Variants in RYR3 observed in about 807,000 individuals in gnomAD.
The protein encoded by RYR3 is brain ryanodine receptor-calcium release channel.
RYR3 carries 207 observed loss-of-function variants against 584.3 expected under a neutral mutation model. The ratio of observed to expected loss-of-function variants is 0.35; its 90% CI spans 0.32 to 0.40. The LOEUF is 0.40. Among genes scored for constraint, RYR3 ranks in the 10% least tolerant of loss-of-function variants. The pLI is 1.00. For synonymous variants in RYR3, 2,416 were observed against 2,248.5 expected, an observed-to-expected ratio of 1.07 and a Z score of -2.11; for missense variants, 5,616 against 6,089.2, an observed-to-expected ratio of 0.92 and a Z score of 2.59.
At chr15:33,752,279 A>G (rs2071390620) in intron 57 of RYR3, among the ~76,000 whole-genome samples, 1 of 152,228 alleles carries the variant, frequency 6.6e-6, no homozygotes, top group Non-Finnish European at 1.5e-5. Context: ...AGACAATGGT[A>G]GCTTGATGGG....
At chr15:33,735,588 G>A (rs2069383146) in intron 48 of RYR3, among the ~76,000 whole-genome samples, 1 of 152,036 alleles carries the variant, frequency 6.6e-6, no homozygotes, top group African/African-American at 2.4e-5. Flanking sequence ...TTAAAGTTTG[G>A]CAATGTAAAA....
At chr15:33,791,386 C>T (rs935633409) in intron 67 of RYR3, among the ~76,000 whole-genome samples, 7 of 150,930 alleles carry the variant, frequency 4.6e-5, no homozygotes, top group Non-Finnish European at 1.0e-4. Context: ...ACACACACCC[C>T]TACATTCGGA....
At chr15:33,609,233 A>G (rs748159894) in intron 18 of RYR3, among the ~76,000 whole-genome samples, 33 of 152,374 alleles carry the variant, frequency 2.2e-4, no homozygotes, top group African/African-American at 4.6e-4. Flanking sequence ...TAGCATTTCA[A>G]TTATTTCCTG....
rs372322306 is a variant in RYR3, at chr15:33,750,082, A to G, written c.8275+28A>G. 45 of 1,609,166 alleles carry G rather than the reference A, an allele frequency of 2.8e-5. No individual in the cohort carries two copies. The African/African-American group carries it at 5.5e-4, about 20-fold the overall frequency. On this transcript the variant is annotated intron_variant, in intron 56 of 103. Transcript: ENST00000634891. ...GAGTGAGGTTCACAGCATCCCCTAA[A>G]GAAGCTGAACCGGGGCAGCTATGGT...
intron 48 of RYR3, among the ~76,000 whole-genome samples, chr15:33,733,105 G>A (rs4779640): frequency 0.33 from 50,580 of 152,164 alleles, 9,656 homozygotes; most frequent in Admixed American, 0.46. Flanking sequence ...CCAAATGCTG[G>A]CAAGGATGTG....
At chr15:33,580,589 T>C (rs984835065) in intron 13 of RYR3, among the ~76,000 whole-genome samples, 3 of 152,312 alleles carry the variant, frequency 2.0e-5, no homozygotes, top group South Asian at 2.1e-4. Flanking sequence ...TCTGAGTCAC[T>C]GGGAGTGGGG....
intron 48 of RYR3, 30 bp downstream of exon 48, chr15:33,731,724 G>A: frequency 7.0e-7 from 1 of 1,428,138 alleles, no homozygotes; most frequent in Non-Finnish European, 9.8e-7. Context: ...TGTTACTTCT[G>A]TGTATGCATC....
At chr15:33,835,608 T>C (rs1220838528) in intron 87 of RYR3, among the ~76,000 whole-genome samples, 1 of 152,206 alleles carries the variant, frequency 6.6e-6, no homozygotes, top group Non-Finnish European at 1.5e-5. Context: ...CCTCTCTCCA[T>C]GGCAACACAT....
At chr15:33,805,442 A>T (rs1327383194) in intron 69 of RYR3, among the ~76,000 whole-genome samples, 3 of 145,846 alleles carry the variant, frequency 2.1e-5, no homozygotes, top group Admixed American at 2.0e-4. Context: ...TCCCTCTTTC[A>T]TTCCCTCCCC....
chr15:33,564,306 A>G (rs2057578461), intron 11 of RYR3, among the ~76,000 whole-genome samples: 1 of 152,206 alleles, frequency 6.6e-6, no homozygotes, highest in Non-Finnish European at 1.5e-5. Context: ...AAGCCAAAAT[A>G]GTAAAGCGAA....
rs1566904570 is a variant in RYR3, at chr15:33,662,897, T to C, written c.5367T>C (p.Ala1789=). The change falls in exon 35 of 104, where the codon GCT becomes GCC. Residue 1789 remains alanine (A), a synonymous_variant. Coordinates refer to ENST00000634891, the MANE Select transcript of RYR3 (RefSeq NM_001036.6). ...VEAGEKAGKE[A]PVKGLLQTRL... Reference sequence around the variant, plus strand: ...CTGGGGAGAAGGCCGGCAAGGAGGCTCCTGTCAAAGGCTTGTTGCAGACTC... The same window carrying C: ...CTGGGGAGAAGGCCGGCAAGGAGGCCCCTGTCAAAGGCTTGTTGCAGACTC... 4 of 1,613,356 alleles carry C rather than the reference T, an allele frequency of 2.5e-6. No individual in the cohort carries two copies. The highest frequency in any genetic ancestry group is 2.7e-5 in the African/African-American group (2 of 75,002).
intron 74 of RYR3, among the ~76,000 whole-genome samples, chr15:33,814,043 A>G (rs763077357): frequency 1.5e-4 from 23 of 152,280 alleles, no homozygotes; most frequent in Non-Finnish European, 2.6e-4. Context: ...AGCACAGTGT[A>G]CTAGCTGTCA....
At chr15:33,834,349 A>G (rs2077895669) in intron 86 of RYR3, among the ~76,000 whole-genome samples, 1 of 151,684 alleles carries the variant, frequency 6.6e-6, no homozygotes, top group South Asian at 2.1e-4. Context: ...GAAAATGCAA[A>G]CTAAGTTATT....
intron 60 of RYR3, among the ~76,000 whole-genome samples, chr15:33,758,596 T>C (rs1236230228): frequency 6.6e-6 from 1 of 152,180 alleles, no homozygotes; most frequent in Non-Finnish European, 1.5e-5. Context: ...CCTTTCTACA[T>C]TCCTCCTCTC....
rs539538863 is a variant in RYR3, at chr15:33,390,663, C to G, written c.51+79567C>G. Among the ~76,000 whole-genome samples, 1 of 152,128 alleles carries G rather than the reference C, an allele frequency of 6.6e-6. No homozygotes were observed. The highest frequency in any genetic ancestry group is 2.4e-5 in the African/African-American group (1 of 41,428). ...GGGAACTTGGTACTTGTCCCATTCT[C>G]TAAGAAATCAGAGTGGTTCACTCTG... On this transcript the variant is annotated intron_variant, in intron 1 of 103. Transcript: ENST00000634891. This position sits in a 1 kb window ranked among gnomAD's most constrained non-coding sequence, Gnocchi z 4.2.
chr15:33,524,100 T>C (rs1175815522), intron 3 of RYR3, among the ~76,000 whole-genome samples: 1 of 152,156 alleles, frequency 6.6e-6, no homozygotes, highest in African/African-American at 2.4e-5. Flanking sequence ...ACACGTACCA[T>C]GTTGTTGCAC....
chr15:33,514,421 C>T (rs11632989), intron 3 of RYR3, among the ~76,000 whole-genome samples: 12,242 of 151,988 alleles, frequency 0.081, 626 homozygotes, highest in Non-Finnish European at 0.12. Flanking sequence ...AAATGAGGCC[C>T]GCACCACGGA....
intron 19 of RYR3, among the ~76,000 whole-genome samples, chr15:33,618,049 T>G (rs777019858): frequency 3.3e-5 from 5 of 152,168 alleles, no homozygotes; most frequent in Non-Finnish European, 7.4e-5. Context: ...ATTACTTAGA[T>G]GCCAGGAAGC....
chr15:33,761,565 A>G (rs2072454120), intron 60 of RYR3, among the ~76,000 whole-genome samples: 1 of 152,208 alleles, frequency 6.6e-6, no homozygotes, highest in Admixed American at 6.5e-5. Flanking sequence ...AAGAAGTCGA[A>G]TCCCTGAATA....
Sources: allele counts gnomAD v4.1 joint callset (sites outside exome capture counted in the v4.1 genomes callset), GRCh38; gene constraint gnomAD v4.1.1; non-coding constraint Gnocchi (gnomAD v3.1); transcripts MANE v1.5; gene names NCBI Gene and HGNC (gene_info 2026-07-23, HGNC 2026-07-21).